PRTFDC1: variants seen among roughly 807,000 people sequenced by gnomAD.
PRTFDC1 encodes phosphoribosyl transferase domain containing 1, also known as phosphoribosyltransferase domain-containing protein 1.
Under a neutral mutation model 34.6 loss-of-function variants are expected in PRTFDC1, and 38 were observed. The observed-to-expected ratio is 1.10, with a 90% CI of 0.85 to 1.44. PRTFDC1 has a LOEUF of 1.44. PRTFDC1 is among the 40% of genes most tolerant of loss of function. The probability of loss-of-function intolerance (pLI) is 0.00; values close to 1 mark genes in which losing one functional copy is unlikely to be tolerated. For synonymous variants in PRTFDC1, 93 were observed against 98.1 expected (o/e 0.95, Z 0.31); for missense variants, 270 against 283.0 (o/e 0.95, Z 0.33).
At chr10:24,852,992 G>A (rs1049246243) in intron 7 of PRTFDC1, among the ~76,000 whole-genome samples, 1 of 152,054 alleles carries the variant, frequency 6.6e-6, no homozygotes. Flanking sequence ...GTTGCATTAT[G>A]GAGTCCCTTG....
At chr10:24,873,863 C>T (rs1316109571) in intron 3 of PRTFDC1, among the ~76,000 whole-genome samples, 1 of 148,596 alleles carries the variant, frequency 6.7e-6, no homozygotes, top group African/African-American at 2.5e-5. Flanking sequence ...GTCTTTTTAC[C>T]TTGCTGCTCA....
rs545196724 is a variant in PRTFDC1 at position 24,945,209 on chromosome 10, A to C, written c.49-2773T>G. ...AGAACATGAGCTCCTTCTGGCGGAGACTTTTTCTGATTCATTGTTGAATCC... is the reference window on the plus strand; with the variant it reads ...AGAACATGAGCTCCTTCTGGCGGAGCCTTTTTCTGATTCATTGTTGAATCC... On this transcript the variant is annotated intron_variant, in intron 1 of 8. Coordinates refer to ENST00000320152, the MANE Select transcript of PRTFDC1 (RefSeq NM_020200.7). Among the ~76,000 whole-genome samples the C allele has an allele frequency of 5.9e-5, 9 of 152,206 alleles. No individual in the cohort carries two copies. The South Asian group carries it at 1.7e-3, about 28-fold the overall frequency.
At position 24,922,877 on chromosome 10, in the gene PRTFDC1, T is replaced by A. The variant is rs188491314; in HGVS notation, c.339+14307A>T. ...CTGGAAGCACAAGGAGTTGGGTGAT[T>A]TCCCTTTCCTAGCCAAGGGAAGCTG... On this transcript the variant is annotated intron_variant, in intron 3 of 8. Coordinates refer to ENST00000320152, the MANE Select transcript of PRTFDC1 (RefSeq NM_020200.7). Among the ~76,000 whole-genome samples the A allele has an allele frequency of 1.1e-3, 164 of 152,308 alleles. 2 individuals are homozygous for A. The highest frequency in any genetic ancestry group is 3.8e-3 in the African/African-American group (156 of 41,582).
intron 3 of PRTFDC1, among the ~76,000 whole-genome samples, chr10:24,924,683 A>G (rs1848843644): frequency 6.6e-6 from 1 of 152,246 alleles, no homozygotes; most frequent in South Asian, 2.1e-4. Context: ...TCTCAAAAGA[A>G]GACATTTATG....
rs112394048 is a variant in PRTFDC1, at chr10:24,900,908, C to T, written c.340-28845G>A. Among the ~76,000 whole-genome samples the T allele has an allele frequency of 5.2e-3, 790 of 152,238 alleles. 10 individuals carry two copies. Among genetic ancestry groups the T allele is most frequent in the African/African-American group, 0.018 (756 of 41,536 alleles). On this transcript the variant is annotated intron_variant, in intron 3 of 8. Coordinates refer to ENST00000320152, the MANE Select transcript of PRTFDC1 (RefSeq NM_020200.7). ...GCTCTGTTTCCCAGGCATGACCCTA[C>T]GAAAGGAGACTATTTTGTGGTAACT...
intron 3 of PRTFDC1, among the ~76,000 whole-genome samples, chr10:24,930,811 C>CT (rs1180461201): frequency 6.6e-6 from 1 of 152,120 alleles, no homozygotes; most frequent in Non-Finnish European, 1.5e-5. Context: ...TTGGAGTTTC[C>CT]TTTATTCCTT....
At chr10:24,949,745 T>A (rs937687737) in intron 1 of PRTFDC1, among the ~76,000 whole-genome samples, 5 of 138,228 alleles carry the variant, frequency 3.6e-5, no homozygotes, top group Non-Finnish European at 6.5e-5. Context: ...ATTTATTTTT[T>A]TTTTTTTTTT....
At chr10:24,947,217 T>C (rs920361817) in intron 1 of PRTFDC1, among the ~76,000 whole-genome samples, 10 of 152,246 alleles carry the variant, frequency 6.6e-5, no homozygotes, top group Admixed American at 5.2e-4. Flanking sequence ...TGGCCATTAT[T>C]TTCAATTAAT....
intron 5 of PRTFDC1, 130 bp downstream of exon 5, chr10:24,858,262 A>T (rs1357159356): frequency 1.1e-6 from 1 of 911,878 alleles, no homozygotes; most frequent in Non-Finnish European, 1.7e-6. Flanking sequence ...CCTATTCATT[A>T]AATTTGGAGA....
chr10:24,880,007 G>C (rs890707197), intron 3 of PRTFDC1, among the ~76,000 whole-genome samples: 2 of 152,068 alleles, frequency 1.3e-5, no homozygotes, highest in Admixed American at 1.3e-4. Flanking sequence ...AGGCTGCCTG[G>C]GTTCCGGCCA....
At chr10:24,902,993 T>C (rs1848472284) in intron 3 of PRTFDC1, among the ~76,000 whole-genome samples, 1 of 152,150 alleles carries the variant, frequency 6.6e-6, no homozygotes. Flanking sequence ...GGTCACGAGT[T>C]CGAGACTAGC....
At chr10:24,875,091 T>C (rs183704546) in intron 3 of PRTFDC1, among the ~76,000 whole-genome samples, 1 of 152,292 alleles carries the variant, frequency 6.6e-6, no homozygotes, top group Admixed American at 6.5e-5. Flanking sequence ...GCCTCTTTCC[T>C]CTATAAATTA....
Position 24,849,795 on chromosome 10 carries a change from G to C in PRTFDC1, c.*49C>G. The C allele has an allele frequency of 6.3e-7, 1 of 1,585,976 alleles. No homozygotes were observed. On this transcript the variant is annotated 3_prime_UTR_variant, in exon 9 of 9. Coordinates refer to ENST00000320152, the MANE Select transcript of PRTFDC1 (RefSeq NM_020200.7). The stretch of plus-strand genomic sequence containing the variant: ...CTTGACAGCTGGCTTCCCAAGTACA[G>C]GCGTAAATATGATGCTATCTGGGAC...
intron 4 of PRTFDC1, among the ~76,000 whole-genome samples, chr10:24,862,960 C>T (rs1413186736): frequency 1.3e-5 from 2 of 152,176 alleles, no homozygotes; most frequent in African/African-American, 4.8e-5. Flanking sequence ...TCACAGCAAC[C>T]TCTGCCTCCT....
At chr10:24,894,218 C>A (rs1848311371) in intron 3 of PRTFDC1, among the ~76,000 whole-genome samples, 1 of 151,744 alleles carries the variant, frequency 6.6e-6, no homozygotes, top group South Asian at 2.1e-4. Flanking sequence ...GTAATCCCAG[C>A]TACTCGGGAG....
At chr10:24,939,478 T>TA (rs755137102) in intron 2 of PRTFDC1, among the ~76,000 whole-genome samples, 87 of 151,714 alleles carry the variant, frequency 5.7e-4, no homozygotes, top group African/African-American at 2.0e-3. Context: ...CAGGGTGGAT[T>TA]AAAAAAAGAT....
intron 8 of PRTFDC1, among the ~76,000 whole-genome samples, chr10:24,850,823 A>G (rs955282559): frequency 1.3e-5 from 2 of 152,182 alleles, no homozygotes; most frequent in Admixed American, 6.5e-5. Flanking sequence ...GAACACACTC[A>G]GTCTCTGTGA....
chr10:24,892,819 A>G (rs551787939), intron 3 of PRTFDC1, among the ~76,000 whole-genome samples: 1 of 152,322 alleles, frequency 6.6e-6, no homozygotes, highest in Admixed American at 6.5e-5. Context: ...CTGGGGCATT[A>G]AAGACCTAAA....
intron 3 of PRTFDC1, among the ~76,000 whole-genome samples, chr10:24,906,727 A>C (rs950561359): frequency 6.6e-6 from 1 of 152,234 alleles, no homozygotes. Context: ...CTCATTTCAC[A>C]GGAGCAACTG....
Sources: gnomAD v4.1 joint callset for allele counts (sites outside exome capture counted in the v4.1 genomes callset) on GRCh38, gnomAD v4.1.1 for gene constraint, MANE v1.5 for transcripts, NCBI Gene and HGNC (gene_info 2026-07-23, HGNC 2026-07-21) for gene names.